OPN5: variants seen among roughly 807,000 people sequenced by gnomAD.
OPN5 encodes the protein opsin 5, also known as opsin-5.
In OPN5, 18 loss-of-function variants were observed where a neutral mutation model predicts 41.7. The observed-to-expected ratio is 0.43, with a 90% CI of 0.30 to 0.64. OPN5 has a LOEUF of 0.64. Ranked by LOEUF, OPN5 falls within the 30% of genes least tolerant of loss-of-function variation. The pLI, the probability that OPN5 is intolerant of heterozygous loss-of-function variation, is 0.13. For missense variants in OPN5, 318 were observed against 434.5 expected (o/e 0.73, Z 2.38); for synonymous variants, 178 against 164.3 (o/e 1.08, Z -0.64).
At chr6:47,822,043 T>G (rs569676060) in intron 6 of OPN5, among the ~76,000 whole-genome samples, 113 of 147,370 alleles carry the variant, frequency 7.7e-4, no homozygotes, top group African/African-American at 2.7e-3. Context: ...ACCCAGAAGG[T>G]GAAGGTTGCA....
At chr6:47,812,562 G>A (rs1462689070) in intron 6 of OPN5, among the ~76,000 whole-genome samples, 1 of 152,114 alleles carries the variant, frequency 6.6e-6, no homozygotes, top group Non-Finnish European at 1.5e-5. Context: ...ATGAGATGGA[G>A]TGATTTCAAA....
At chr6:47,799,627 C>T (rs903938312) in intron 4 of OPN5, among the ~76,000 whole-genome samples, 11 of 152,192 alleles carry the variant, frequency 7.2e-5, no homozygotes, top group African/African-American at 1.4e-4. Context: ...GCAACCCTTC[C>T]GGTGCATCTT....
chr6:47,823,878 T>C, intron 6 of OPN5, 105 bp from the exon 7 acceptor site: 2 of 821,026 alleles, frequency 2.4e-6, no homozygotes, highest in South Asian at 2.9e-5. Flanking sequence ...CCTGGTTCTT[T>C]TGGTGTGTGT....
rs117137034 is a variant in OPN5 at position 47,787,757 on chromosome 6, A to C, written c.250+1123A>C. On this transcript the variant is annotated intron_variant, in intron 2 of 6. Transcript: ENST00000371211. ...TCTCTACAAAACAAATTTATCCTTG[A>C]AGTCTGGGTATTGGGTAAAACTAAA... 2.7e-4 allele frequency among the ~76,000 whole-genome samples: 41 copies of C among 152,236 alleles called. No homozygotes were observed. In the East Asian group the frequency reaches 7.9e-3, roughly 29 times the overall value.
intron 6 of OPN5, 163 bp downstream of exon 6, chr6:47,811,894 TA>T (rs1394430862): frequency 2.1e-6 from 1 of 471,280 alleles, no homozygotes; most frequent in Non-Finnish European, 3.8e-6. Context: ...TTCCAATGGC[TA>T]AATGGAAACT....
chr6:47,802,821 G>A (rs1268000824), intron 4 of OPN5, among the ~76,000 whole-genome samples: 2 of 152,184 alleles, frequency 1.3e-5, no homozygotes, highest in African/African-American at 4.8e-5. Context: ...CCAAAACACA[G>A]ATGCATAGAG....
At chr6:47,786,374 T>C (rs1178187827) in intron 1 of OPN5, 141 bp from the exon 2 acceptor site, 2 of 624,284 alleles carry the variant, frequency 3.2e-6, no homozygotes, top group Non-Finnish European at 5.5e-6. Context: ...TTTCATCTTC[T>C]TAATTTAGAT....
chr6:47,783,543 C>T (rs949642819), intron 1 of OPN5, among the ~76,000 whole-genome samples: 2 of 152,146 alleles, frequency 1.3e-5, no homozygotes, highest in African/African-American at 4.8e-5. Flanking sequence ...TGTGATTCAA[C>T]CAAATTCTGC....
At chr6:47,787,888 C>A (rs1323900276) in intron 2 of OPN5, among the ~76,000 whole-genome samples, 3 of 152,004 alleles carry the variant, frequency 2.0e-5, no homozygotes, top group South Asian at 2.1e-4. Context: ...AAAAGTGAGA[C>A]CTTAATTAAA....
At chr6:47,794,961 C>T (rs1773495395) in intron 3 of OPN5, 2 of 399,560 alleles carry the variant, frequency 5.0e-6, no homozygotes, top group Non-Finnish European at 9.0e-6. Context: ...TCATCTCTTT[C>T]CTGTCCCTTT....
intron 6 of OPN5, among the ~76,000 whole-genome samples, chr6:47,822,758 T>G (rs567549645): frequency 6.6e-6 from 1 of 152,330 alleles, no homozygotes; most frequent in South Asian, 2.1e-4. Context: ...AATAAAAATT[T>G]GTTCATGAAT....
intron 5 of OPN5, among the ~76,000 whole-genome samples, 192 bp from the exon 6 acceptor site, chr6:47,811,482 C>T (rs1031599561): frequency 2.6e-5 from 4 of 152,122 alleles, no homozygotes; most frequent in Non-Finnish European, 4.4e-5. Context: ...TTGGAAAACT[C>T]TGCCCAAATA....
intron 6 of OPN5, 76 bp downstream of exon 6, chr6:47,811,807 T>A (rs1391128616): frequency 3.3e-6 from 3 of 906,444 alleles, no homozygotes; most frequent in Non-Finnish European, 3.6e-6. Context: ...AAACATTTGA[T>A]TGTGGCCACA....
At chr6:47,816,001 A>G (rs1762418284) in intron 6 of OPN5, among the ~76,000 whole-genome samples, 1 of 152,176 alleles carries the variant, frequency 6.6e-6, no homozygotes, top group Non-Finnish European at 1.5e-5. Flanking sequence ...TCTGAAATAG[A>G]CAGGCAACTA....
intron 4 of OPN5, among the ~76,000 whole-genome samples, chr6:47,802,314 C>T (rs1476472751): frequency 1.3e-5 from 2 of 152,106 alleles, no homozygotes; most frequent in African/African-American, 4.8e-5. Flanking sequence ...TTTCTCTCTG[C>T]TTGATCTCAA....
exon 3 of OPN5, chr6:47,791,813 C>A: frequency 6.2e-7 from 1 of 1,613,948 alleles, no homozygotes; most frequent in South Asian, 1.1e-5. Flanking sequence ...TGTAGGCAAG[C>A]CGTTCACCAT....
At chr6:47,822,072 G>A (rs374620884) in intron 6 of OPN5, among the ~76,000 whole-genome samples, 4 of 148,120 alleles carry the variant, frequency 2.7e-5, no homozygotes, top group Non-Finnish European at 4.4e-5. Flanking sequence ...AGATGGCGCC[G>A]CTGCCCTCCA....
chr6:47,802,707 G>C (rs1773821813), intron 4 of OPN5, among the ~76,000 whole-genome samples: 1 of 152,156 alleles, frequency 6.6e-6, no homozygotes, highest in Admixed American at 6.5e-5. Flanking sequence ...TAACAGTGAA[G>C]TCTCTCCTGT....
chr6:47,788,778 A>G (rs902917908), intron 2 of OPN5, among the ~76,000 whole-genome samples: 16 of 137,358 alleles, frequency 1.2e-4, no homozygotes, highest in African/African-American at 4.4e-4. Context: ...ACCTCTTAGG[A>G]TAAAGTCGTG....
Sources: allele counts gnomAD v4.1 joint callset (sites outside exome capture counted in the v4.1 genomes callset), GRCh38; gene constraint gnomAD v4.1.1; transcripts MANE v1.5; gene names NCBI Gene and HGNC (gene_info 2026-07-23, HGNC 2026-07-21).